Variants in SLC35F4 observed in about 807,000 individuals in gnomAD.
SLC35F4 encodes the protein chromosome 14 open reading frame 36.
In SLC35F4, 24 loss-of-function variants were observed where a neutral mutation model predicts 44.2. The ratio of observed to expected loss-of-function variants is 0.54; its 90% CI spans 0.39 to 0.76. SLC35F4 has a LOEUF of 0.76. SLC35F4 is among the 30% of genes least tolerant of loss of function. The pLI, the probability that SLC35F4 is intolerant of heterozygous loss-of-function variation, is 0.00. For missense variants in SLC35F4, 562 were observed against 586.1 expected (o/e 0.96, Z 0.42); for synonymous variants, 238 against 223.6 (o/e 1.06, Z -0.57).
chr14:57,954,627 T>C (rs1031245411), intron 1 of SLC35F4, among the ~76,000 whole-genome samples: 6 of 151,986 alleles, frequency 3.9e-5, no homozygotes, highest in Admixed American at 3.9e-4. Flanking sequence ...CAAACTACCA[T>C]CAGAGAATAC....
intron 1 of SLC35F4, among the ~76,000 whole-genome samples, chr14:57,879,210 T>C (rs1888465820): frequency 6.6e-6 from 1 of 152,180 alleles, no homozygotes; most frequent in Non-Finnish European, 1.5e-5. Context: ...GGCATTGCAC[T>C]TTTCAAGAAA....
intron 1 of SLC35F4, among the ~76,000 whole-genome samples, chr14:57,962,534 C>T (rs1310932668): frequency 6.6e-6 from 1 of 152,226 alleles, no homozygotes; most frequent in Admixed American, 6.5e-5. Flanking sequence ...TCTAATCCTA[C>T]AGGACATCTC....
chr14:57,660,329 C>G (rs1276321119), intron 1 of SLC35F4, among the ~76,000 whole-genome samples: 2 of 151,984 alleles, frequency 1.3e-5, no homozygotes, highest in African/African-American at 4.8e-5. Flanking sequence ...TCAACAGTAT[C>G]ACAATTAGCA....
chr14:57,685,306 T>A (rs1263889038), intron 1 of SLC35F4, among the ~76,000 whole-genome samples: 1 of 152,026 alleles, frequency 6.6e-6, no homozygotes, highest in South Asian at 2.1e-4. Flanking sequence ...GGTAAGGCCT[T>A]AGAGAAAGGG....
At chr14:57,570,682 AAGC>A (rs1244090351) in intron 5 of SLC35F4, among the ~76,000 whole-genome samples, 1 of 152,202 alleles carries the variant, frequency 6.6e-6, no homozygotes, top group African/African-American at 2.4e-5. Flanking sequence ...ACACAGAGTG[AAGC>A]AGATCTCTTC....
chr14:57,977,375 C>T (rs554721748), intron 1 of SLC35F4, among the ~76,000 whole-genome samples: 47 of 152,238 alleles, frequency 3.1e-4, no homozygotes, highest in Admixed American at 2.6e-3. Context: ...GATGGTGTAT[C>T]GAGTCTGACA....
At chr14:57,759,942 A>T (rs1441562469) in intron 1 of SLC35F4, among the ~76,000 whole-genome samples, 1 of 149,196 alleles carries the variant, frequency 6.7e-6, no homozygotes, top group African/African-American at 2.5e-5. Flanking sequence ...TATTTTGAAT[A>T]TTAATTCTTT....
At position 57,594,324 on chromosome 14, in the gene SLC35F4, G is replaced by A. The variant is rs1028016277; in HGVS notation, c.104-200C>T. On this transcript the variant is annotated intron_variant, in intron 1 of 7. Transcript: ENST00000556826. ...CCTGCCTCAGCCTCCCAAGTAGCTC[G>A]AATTACAGGTGTGTGCTACCACACC... Among the ~76,000 whole-genome samples, 13 of 152,256 alleles carry A rather than the reference G, an allele frequency of 8.5e-5. No homozygotes were observed. The South Asian group carries it at 1.9e-3, about 22-fold the overall frequency.
At chr14:57,603,824 C>T (rs948590963) in intron 1 of SLC35F4, among the ~76,000 whole-genome samples, 1 of 152,198 alleles carries the variant, frequency 6.6e-6, no homozygotes, top group African/African-American at 2.4e-5. Context: ...CTGTTTGATA[C>T]CAACTTTACA....
intron 1 of SLC35F4, among the ~76,000 whole-genome samples, chr14:57,722,107 G>A (rs1025706994): frequency 3.3e-5 from 5 of 152,204 alleles, no homozygotes; most frequent in Non-Finnish European, 7.3e-5. Context: ...CTGGAGAGCA[G>A]GGATGGGAAT....
chr14:57,675,532 C>G (rs923701485), intron 1 of SLC35F4, among the ~76,000 whole-genome samples: 4 of 151,952 alleles, frequency 2.6e-5, no homozygotes, highest in African/African-American at 4.8e-5. Context: ...TTGCTCTAAC[C>G]AGGACTTCCA....
At chr14:57,666,450 T>G (rs2074311904) in intron 1 of SLC35F4, among the ~76,000 whole-genome samples, 1 of 152,170 alleles carries the variant, frequency 6.6e-6, no homozygotes, top group African/African-American at 2.4e-5. Context: ...AAATGAGTCC[T>G]GCCAACAACC....
chr14:57,921,493 G>A (rs1269393351), intron 1 of SLC35F4, among the ~76,000 whole-genome samples: 1 of 152,196 alleles, frequency 6.6e-6, no homozygotes, highest in Non-Finnish European at 1.5e-5. Context: ...CCTTAGACCA[G>A]TATATTAGTT....
intron 1 of SLC35F4, among the ~76,000 whole-genome samples, chr14:57,959,237 A>G (rs762547130): frequency 6.6e-6 from 1 of 152,244 alleles, no homozygotes. Flanking sequence ...TTTAACTTTA[A>G]GAATAATAAA....
At chr14:57,917,148 C>T (rs932253356) in intron 1 of SLC35F4, among the ~76,000 whole-genome samples, 7 of 152,130 alleles carry the variant, frequency 4.6e-5, no homozygotes, top group Admixed American at 6.6e-5. Context: ...GCAACCTCCA[C>T]CTCCTTGGTT....
chr14:57,910,057 C>A (rs1350030991), intron 1 of SLC35F4, among the ~76,000 whole-genome samples: 1 of 152,016 alleles, frequency 6.6e-6, no homozygotes, highest in East Asian at 1.9e-4. Flanking sequence ...ATATGATCTT[C>A]AACATTTTTT....
intron 1 of SLC35F4, among the ~76,000 whole-genome samples, chr14:57,691,187 G>C (rs1035138422): frequency 6.6e-6 from 1 of 152,112 alleles, no homozygotes; most frequent in African/African-American, 2.4e-5. Context: ...GGGTGGGAGG[G>C]GAGGAAATGA....
At chr14:57,832,711 T>C (rs1884503787) in intron 1 of SLC35F4, among the ~76,000 whole-genome samples, 2 of 152,228 alleles carry the variant, frequency 1.3e-5, no homozygotes, top group South Asian at 4.1e-4. Context: ...AATTTTTGCA[T>C]GTTCTGGCTC....
chr14:57,860,718 A>C (rs899248455), intron 1 of SLC35F4, among the ~76,000 whole-genome samples: 5 of 152,218 alleles, frequency 3.3e-5, no homozygotes, highest in Admixed American at 3.3e-4. Context: ...CATTTGACTT[A>C]TGGAAATGAA....
Sources: allele counts gnomAD v4.1 joint callset (sites outside exome capture counted in the v4.1 genomes callset), GRCh38; gene constraint gnomAD v4.1.1; transcripts MANE v1.5; gene names NCBI Gene and HGNC (gene_info 2026-07-23, HGNC 2026-07-21).